MED12L: variants seen among roughly 807,000 people sequenced by gnomAD.
The protein encoded by MED12L is mediator of RNA polymerase II transcription subunit 12-like protein.
A neutral mutation model predicts 281.3 loss-of-function variants in MED12L; 60 were observed. The ratio of observed to expected loss-of-function variants is 0.21; its 90% CI spans 0.17 to 0.26. MED12L has a LOEUF of 0.26. MED12L is among the 10% of genes least tolerant of loss of function. The pLI is 1.00. For synonymous variants in MED12L, 974 were observed against 987.2 expected (o/e 0.99, Z 0.25); for missense variants, 2,146 against 2,680.9 (o/e 0.80, Z 4.41).
At chr3:151,168,375 A>T (rs956290233) in intron 11 of MED12L, among the ~76,000 whole-genome samples, 2 of 152,204 alleles carry the variant, frequency 1.3e-5, no homozygotes, top group African/African-American at 4.8e-5. Context: ...AAACTCTTTG[A>T]GCTGAGAGGG....
intron 5 of MED12L, among the ~76,000 whole-genome samples, chr3:151,138,985 C>T (rs1475964542): frequency 2.8e-5 from 4 of 140,676 alleles, no homozygotes; most frequent in African/African-American, 8.7e-5. Context: ...TCTTATCTAC[C>T]TACCTACCTA....
rs1408022934 is a variant in MED12L, at chr3:151,237,361, T to TG, written c.2250+43695_2250+43696insG. On this transcript the variant is annotated intron_variant, in intron 16 of 44. Transcript: ENST00000687756. ...CTTTTTTTTTTTTTCTTTTTTTTTT[T>TG]TTTTTGAGACAGAGTCTTACTCTTG... Among the ~76,000 whole-genome samples the TG allele has an allele frequency of 5.1e-5, 7 of 136,320 alleles. No homozygotes were observed. The East Asian group carries it at 1.2e-3, about 24-fold the overall frequency. The allele number at this position is 136,320 out of a possible 152,430, so 89.4% of individuals were successfully genotyped here. A position where few individuals can be genotyped will look rare whatever the true frequency, so the allele number is the denominator to read the frequency against.
intron 38 of MED12L, 125 bp downstream of exon 38, chr3:151,390,260 G>T: frequency 1.2e-6 from 1 of 862,220 alleles, no homozygotes; most frequent in Non-Finnish European, 1.8e-6. Context: ...TGACATTTCT[G>T]TAATTCCCTT....
intron 12 of MED12L, among the ~76,000 whole-genome samples, chr3:151,186,834 A>T (rs993874425): frequency 2.0e-5 from 3 of 152,206 alleles, no homozygotes; most frequent in Non-Finnish European, 2.9e-5. Context: ...CCCCCTCTAG[A>T]AGGTGAGCTG....
At chr3:151,366,116 C>A in intron 23 of MED12L, 125 bp downstream of exon 23, 1 of 859,512 alleles carries the variant, frequency 1.2e-6, no homozygotes, top group Non-Finnish European at 1.6e-6. Flanking sequence ...TTTTTTCTTT[C>A]TCTGTCCAAA....
At chr3:151,390,160 A>G (rs778316482) in intron 38 of MED12L, 25 bp downstream of exon 38, 1 of 1,610,134 alleles carries the variant, frequency 6.2e-7, no homozygotes, top group Non-Finnish European at 8.5e-7. Context: ...AGCACAGATC[A>G]CTCAGAGATG....
rs543519548 is a variant in MED12L at position 151,252,593 on chromosome 3, TTG to T, written c.2250+58931_2250+58932del. Among the ~76,000 whole-genome samples the T allele has an allele frequency of 1.4e-3, 213 of 152,294 alleles. 1 individual carries two copies. Among genetic ancestry groups the T allele is most frequent in the African/African-American group, 5.0e-3 (206 of 41,560 alleles). ...TTTCTCTTTCAAGTTTTACTTATAC[TTG>T]TGTTTCGTAAATGATACTTCTAAAC... On this transcript the variant is annotated intron_variant, in intron 16 of 44. Coordinates refer to ENST00000687756, the MANE Select transcript of MED12L (RefSeq NM_001393769.1).
chr3:151,308,172 ATAT>A (rs1293220882), intron 16 of MED12L, among the ~76,000 whole-genome samples: 13 of 152,170 alleles, frequency 8.5e-5, no homozygotes, highest in African/African-American at 2.7e-4. Context: ...TATTTAAGAA[ATAT>A]GCTTTTCTTA....
At chr3:151,228,905 C>T (rs946987637) in intron 16 of MED12L, among the ~76,000 whole-genome samples, 1 of 152,158 alleles carries the variant, frequency 6.6e-6, no homozygotes, top group African/African-American at 2.4e-5. Flanking sequence ...GGAAATGAAT[C>T]CATGACCTCT....
At position 151,345,284 on chromosome 3, in the gene MED12L, T is replaced by A. The variant is rs955710273; in HGVS notation, c.2251-4775T>A. Among the ~76,000 whole-genome samples the A allele has an allele frequency of 9.8e-5, 15 of 152,292 alleles. No individual in the cohort carries two copies. In the South Asian group the frequency reaches 3.1e-3, roughly 32 times the overall value. On this transcript the variant is annotated intron_variant, in intron 16 of 44. Transcript: ENST00000687756. Reference sequence around the variant, plus strand: ...ACTCTCCAGTTGATGCTTTTCCTTGTCCAACAACTGTATCCTTGAGGGAAT... The same window carrying A: ...ACTCTCCAGTTGATGCTTTTCCTTGACCAACAACTGTATCCTTGAGGGAAT...
At chr3:151,307,529 TGCTCTGTGTGTGTGTG>T (rs1229380029) in intron 16 of MED12L, among the ~76,000 whole-genome samples, 11 of 135,770 alleles carry the variant, frequency 8.1e-5, no homozygotes, top group African/African-American at 3.0e-4. Context: ...TCAGGTAACT[TGCTCTGTGTGTGTGTG>T]TGTGTGTGTG....
At chr3:151,398,837 A>G (rs529641887) in intron 39 of MED12L, among the ~76,000 whole-genome samples, 2 of 152,330 alleles carry the variant, frequency 1.3e-5, no homozygotes, top group African/African-American at 4.8e-5. Context: ...ATAGGTACCT[A>G]TATGATAAAG....
chr3:151,322,709 G>A (rs1749133519), intron 16 of MED12L, among the ~76,000 whole-genome samples: 1 of 151,856 alleles, frequency 6.6e-6, no homozygotes, highest in Admixed American at 6.6e-5. Context: ...TTGTTCCTTG[G>A]TATTCAGTAC....
At chr3:151,321,237 T>C (rs1466001106) in intron 16 of MED12L, among the ~76,000 whole-genome samples, 18 of 152,186 alleles carry the variant, frequency 1.2e-4, no homozygotes, top group Non-Finnish European at 1.5e-5. Context: ...TTGACAGTTT[T>C]TTTCTCCTGT....
chr3:151,424,392 G>C (rs1250455081), intron 43 of MED12L, among the ~76,000 whole-genome samples: 1 of 152,076 alleles, frequency 6.6e-6, no homozygotes, highest in East Asian at 1.9e-4. Flanking sequence ...AGGCTGAGGC[G>C]GGTGGATCAC....
At chr3:151,162,499 C>G (rs1218669821) in intron 8 of MED12L, among the ~76,000 whole-genome samples, 4 of 152,162 alleles carry the variant, frequency 2.6e-5, no homozygotes, top group African/African-American at 9.7e-5. Context: ...TCACTGCGGC[C>G]TGGAGCTCCT....
chr3:151,379,903 C>T (rs924882451), intron 31 of MED12L, among the ~76,000 whole-genome samples: 4 of 152,042 alleles, frequency 2.6e-5, no homozygotes, highest in African/African-American at 7.3e-5. Flanking sequence ...AGAATGGCTT[C>T]GAGGGCAATT....
At chr3:151,387,517 A>G (rs918988984) in intron 36 of MED12L, among the ~76,000 whole-genome samples, 2 of 152,160 alleles carry the variant, frequency 1.3e-5, no homozygotes, top group African/African-American at 4.8e-5. Context: ...AATTTTTAGA[A>G]TTTTTTTAGC....
At chr3:151,204,718 T>G (rs947618123) in intron 16 of MED12L, among the ~76,000 whole-genome samples, 1 of 152,162 alleles carries the variant, frequency 6.6e-6, no homozygotes, top group African/African-American at 2.4e-5. Flanking sequence ...AATTTAGAGA[T>G]GAGTGGAGTT....
Sources: gnomAD v4.1 joint callset for allele counts (sites outside exome capture counted in the v4.1 genomes callset) on GRCh38, gnomAD v4.1.1 for gene constraint, MANE v1.5 for transcripts, NCBI Gene and HGNC (gene_info 2026-07-23, HGNC 2026-07-21) for gene names.